CSMD1: variants seen among roughly 807,000 people sequenced by gnomAD.
CSMD1 encodes CUB and sushi domain-containing protein 1.
A neutral mutation model predicts 417.5 loss-of-function variants in CSMD1; 213 were observed. That is an observed-to-expected ratio of 0.51 (90% confidence interval 0.46 to 0.57). The LOEUF (loss-of-function observed/expected upper bound fraction) is 0.57, where lower values mean the gene tolerates loss of function less well. Ranked by LOEUF, CSMD1 falls within the 20% of genes least tolerant of loss-of-function variation. CSMD1 has a pLI of 0.00. For synonymous variants in CSMD1, 2,862 were observed against 1,736.8 expected, an observed-to-expected ratio of 1.65 and a Z score of -16.11; for missense variants, 6,923 against 4,529.7, an observed-to-expected ratio of 1.53 and a Z score of -15.17.
chr8:3,817,446 C>T (rs557051795), intron 5 of CSMD1, among the ~76,000 whole-genome samples: 78 of 151,514 alleles, frequency 5.1e-4, no homozygotes, highest in African/African-American at 1.6e-3. Flanking sequence ...ATTCCCAGCT[C>T]ATTTTTGTGT....
intron 26 of CSMD1, among the ~76,000 whole-genome samples, chr8:3,269,849 T>C (rs1313161386): frequency 6.6e-6 from 1 of 152,148 alleles, no homozygotes; most frequent in Non-Finnish European, 1.5e-5. Context: ...GGCAGGACAG[T>C]GGACCTTTAA....
chr8:3,324,847 G>A (rs17079975), intron 23 of CSMD1, among the ~76,000 whole-genome samples: 22,382 of 152,114 alleles, frequency 0.15, 2,348 homozygotes, highest in African/African-American at 0.3. Flanking sequence ...GATCTTTGCA[G>A]ATTTCAAGCT....
At chr8:4,265,315 G>A (rs1463558351) in intron 3 of CSMD1, among the ~76,000 whole-genome samples, 2 of 151,912 alleles carry the variant, frequency 1.3e-5, no homozygotes, top group Non-Finnish European at 1.5e-5. Flanking sequence ...ATATACGTTA[G>A]GGAAAAATTC....
At chr8:3,939,239 T>C (rs1308992376) in intron 5 of CSMD1, among the ~76,000 whole-genome samples, 1 of 151,976 alleles carries the variant, frequency 6.6e-6, no homozygotes, top group East Asian at 1.9e-4. Context: ...TTAAAATCCA[T>C]GTTTTACATA....
rs566063735 is a variant in CSMD1, at chr8:3,265,410, G to C, written c.4153+18734C>G. ...GAATCTTGTGAAGGGGGGAGTGTAA[G>C]AATCATATTAAATGGGTCGTTATTT... On this transcript the variant is annotated intron_variant, in intron 26 of 69. Coordinates refer to ENST00000635120, the MANE Select transcript of CSMD1 (RefSeq NM_033225.6). Among the ~76,000 whole-genome samples the C allele has an allele frequency of 1.4e-4, 21 of 152,264 alleles. No homozygotes were observed. In the South Asian group the frequency reaches 4.1e-3, roughly 30 times the overall value.
At chr8:3,543,995 C>A (rs1447657071) in intron 10 of CSMD1, among the ~76,000 whole-genome samples, 1 of 152,066 alleles carries the variant, frequency 6.6e-6, no homozygotes, top group Non-Finnish European at 1.5e-5. Flanking sequence ...GGAAGGGGAT[C>A]AAGAAGCAGA....
At chr8:3,879,206 A>G (rs1398189573) in intron 5 of CSMD1, among the ~76,000 whole-genome samples, 1 of 152,152 alleles carries the variant, frequency 6.6e-6, no homozygotes, top group Non-Finnish European at 1.5e-5. Flanking sequence ...TTGCCTAGAA[A>G]TATACAGGTA....
Position 3,880,931 on chromosome 8 carries a change from T to C in CSMD1, c.818+116972A>G, listed in dbSNP as rs923697930. Among the ~76,000 whole-genome samples the C allele has an allele frequency of 7.2e-5, 11 of 152,250 alleles. No homozygotes were observed. In the South Asian group the frequency reaches 8.3e-4, roughly 11 times the overall value. On this transcript the variant is annotated intron_variant, in intron 5 of 69. Coordinates refer to ENST00000635120, the MANE Select transcript of CSMD1 (RefSeq NM_033225.6). The stretch of plus-strand genomic sequence containing the variant: ...ACAATGTTATTTACCAAGTATTACA[T>C]TGGATGCAAAATTAGTATAGAAAAG...
At chr8:3,539,746 T>C (rs1470010387) in intron 10 of CSMD1, among the ~76,000 whole-genome samples, 3 of 140,254 alleles carry the variant, frequency 2.1e-5, no homozygotes, top group African/African-American at 8.1e-5. Context: ...CAAGAATCTC[T>C]AGCCCTTTCT....
chr8:3,170,399 G>A (rs1050107783), intron 37 of CSMD1, among the ~76,000 whole-genome samples: 2 of 152,074 alleles, frequency 1.3e-5, no homozygotes, highest in Non-Finnish European at 2.9e-5. Flanking sequence ...TAGTAGAGAC[G>A]GGGTTTCACT....
intron 1 of CSMD1, among the ~76,000 whole-genome samples, chr8:4,718,438 C>T (rs140049057): frequency 5.7e-4 from 86 of 152,108 alleles, no homozygotes; most frequent in African/African-American, 2.0e-3. Context: ...GATTCTTAAG[C>T]AGGAATGAAA....
At chr8:3,083,642 A>AT (rs1814295758) in intron 49 of CSMD1, among the ~76,000 whole-genome samples, 1 of 21,610 alleles carries the variant, frequency 4.6e-5, no homozygotes, top group Non-Finnish European at 7.7e-5. Flanking sequence ...ATATATATAT[A>AT]TATATATTTT....
chr8:3,425,472 C>G (rs924198957), intron 12 of CSMD1, among the ~76,000 whole-genome samples: 2 of 151,556 alleles, frequency 1.3e-5, no homozygotes, highest in African/African-American at 4.8e-5. Flanking sequence ...CCTGTAATCT[C>G]AGCTACTTGG....
intron 12 of CSMD1, among the ~76,000 whole-genome samples, chr8:3,449,155 C>T (rs1053606620): frequency 3.3e-5 from 5 of 152,120 alleles, no homozygotes; most frequent in Non-Finnish European, 7.4e-5. Flanking sequence ...TTTGAGTTTG[C>T]GTCTTGAAAT....
chr8:3,980,106 T>C (rs1813737468), intron 5 of CSMD1, among the ~76,000 whole-genome samples: 1 of 144,890 alleles, frequency 6.9e-6, no homozygotes, highest in Non-Finnish European at 1.5e-5. Flanking sequence ...TGTCTGTTTT[T>C]TCTAGAAAAT....
rs3802303 is a variant in CSMD1, at chr8:3,396,246, C to T, written c.2541G>A (p.Leu847=). Reference sequence around the variant, plus strand: ...TGGAGCGGCTGTTGTCAGTGGTGAACAGCAGGTACATGAAGTTCCCGGTGC... The same window carrying T: ...TGGAGCGGCTGTTGTCAGTGGTGAATAGCAGGTACATGAAGTTCCCGGTGC... ...LISTGNFMYL[L]FTTDNSRSSI... The change falls in exon 17 of 70, where the codon CTG becomes CTA. Residue 847 remains leucine (L), a synonymous_variant. Transcript: ENST00000635120. The T allele has an allele frequency of 0.4, 628,861 of 1,575,624 alleles. 128,721 individuals are homozygous for T. The highest frequency in any genetic ancestry group is 0.43 in the Middle Eastern group (2,540 of 5,858).
chr8:3,363,144 G>A (rs1404004307), intron 20 of CSMD1, among the ~76,000 whole-genome samples: 1 of 152,156 alleles, frequency 6.6e-6, no homozygotes, highest in Admixed American at 6.5e-5. Context: ...TCCGTCTGCT[G>A]AGAGCCCACC....
chr8:3,769,785 G>C (rs958010330), intron 5 of CSMD1, among the ~76,000 whole-genome samples: 5 of 152,084 alleles, frequency 3.3e-5, no homozygotes, highest in African/African-American at 4.8e-5. Context: ...AGTCTCATAA[G>C]TTTTATAGCA....
At chr8:3,144,891 G>A (rs1585469704) in intron 40 of CSMD1, among the ~76,000 whole-genome samples, 1 of 151,996 alleles carries the variant, frequency 6.6e-6, no homozygotes, top group East Asian at 1.9e-4. Flanking sequence ...TCTGCCTGCT[G>A]TGACAGCTGC....
Sources: gnomAD v4.1 joint callset for allele counts (sites outside exome capture counted in the v4.1 genomes callset) on GRCh38, gnomAD v4.1.1 for gene constraint, MANE v1.5 for transcripts, NCBI Gene and HGNC (gene_info 2026-07-23, HGNC 2026-07-21) for gene names.